KIF13A: variants seen among roughly 807,000 people sequenced by gnomAD.
KIF13A encodes the protein kinesin family member 13A.
KIF13A carries 79 observed loss-of-function variants against 212.2 expected under a neutral mutation model. The observed-to-expected ratio is 0.37, with a 90% confidence interval of 0.31 to 0.45. KIF13A has a LOEUF of 0.45. KIF13A is among the 20% of genes least tolerant of loss of function. The probability of loss-of-function intolerance (pLI) is 1.00; values close to 1 mark genes in which losing one functional copy is unlikely to be tolerated. For synonymous variants in KIF13A, 789 were observed against 808.6 expected (o/e 0.98, Z 0.41); for missense variants, 1,901 against 2,209.0 (o/e 0.86, Z 2.79).
intron 2 of KIF13A, among the ~76,000 whole-genome samples, chr6:17,941,908 T>C (rs1194692120): frequency 6.6e-6 from 1 of 152,074 alleles, no homozygotes; most frequent in Non-Finnish European, 1.5e-5. Context: ...TAGAGATACT[T>C]TGGGACATAG....
chr6:17,830,978 C>T, intron 13 of KIF13A, 123 bp downstream of exon 13: 7 of 822,898 alleles, frequency 8.5e-6, no homozygotes, highest in Non-Finnish European at 1.3e-5. Context: ...CACTATCCAT[C>T]TTAGTTTTAC....
intron 38 of KIF13A, among the ~76,000 whole-genome samples, chr6:17,766,650 G>C (rs1357791844): frequency 6.6e-6 from 1 of 152,014 alleles, no homozygotes; most frequent in African/African-American, 2.4e-5. Flanking sequence ...AAACTCCTGG[G>C]CTCAAGCAAT....
At position 17,776,939 on chromosome 6, in the gene KIF13A, C is replaced by T. The variant is rs961192557; in HGVS notation, c.4170+338G>A. Among the ~76,000 whole-genome samples, 5 of 152,208 alleles carry T rather than the reference C, an allele frequency of 3.3e-5. No individual in the cohort carries two copies. Among genetic ancestry groups the T allele is most frequent in the Admixed American group, 1.3e-4 (2 of 15,284 alleles). On this transcript the variant is annotated intron_variant, in intron 34 of 38. Coordinates refer to ENST00000259711, the MANE Select transcript of KIF13A (RefSeq NM_022113.6). This position sits in a 1 kb window ranked among gnomAD's most constrained non-coding sequence, Gnocchi z 4.6. ...GCCACCAGGGCAGCTAGAATGGGCA[C>T]AAAAACTGACCCTGGAGCAGCCAGC...
chr6:17,949,010 T>C lies in KIF13A; in HGVS notation c.146+38044A>G, dbSNP rs572603837. ...ACAGTCTTTTGCCTTTCTTACATTA[T>C]ATTCAATATGAATACACATGTCAAA... On this transcript the variant is annotated intron_variant, in intron 2 of 38. Transcript: ENST00000259711. 3.3e-5 allele frequency among the ~76,000 whole-genome samples: 5 copies of C among 152,280 alleles called. No individual in the cohort carries two copies. The South Asian group carries it at 8.3e-4, about 25-fold the overall frequency.
intron 2 of KIF13A, among the ~76,000 whole-genome samples, chr6:17,952,693 G>A (rs539080326): frequency 6.6e-6 from 1 of 152,262 alleles, no homozygotes; most frequent in East Asian, 1.9e-4. Context: ...CACTTTGGGA[G>A]GCTGAGGCAG....
chr6:17,837,244 T>A lies in KIF13A; in HGVS notation c.943-154A>T, dbSNP rs1766050201. 6.6e-6 allele frequency among the ~76,000 whole-genome samples: 1 copy of A among 152,224 alleles called. No individual in the cohort carries two copies. Among genetic ancestry groups the A allele is most frequent in the Non-Finnish European group, 1.5e-5 (1 of 68,034 alleles). On this transcript the variant is annotated intron_variant, in intron 10 of 38. Coordinates refer to ENST00000259711, the MANE Select transcript of KIF13A (RefSeq NM_022113.6). This position sits in a 1 kb window ranked among gnomAD's most constrained non-coding sequence, Gnocchi z 5.4. ...TTTCACAAATAACGTCATGACAAGA[T>A]GAAATGTGTCCTCTCTATATTCAAG...
rs1238764857 is a variant in KIF13A, at chr6:17,814,248, G to C, written c.2000+2772C>G. The stretch of plus-strand genomic sequence containing the variant: ...TTACAGGCATGAGCTACAGTGCCCG[G>C]CTTTTTTTTTTTTTTTTTTTGAGAC... On this transcript the variant is annotated intron_variant, in intron 17 of 38. Transcript: ENST00000259711. Among the ~76,000 whole-genome samples, 4 of 73,784 alleles carry C rather than the reference G, an allele frequency of 5.4e-5. No homozygotes were observed. In the East Asian group the frequency reaches 2.1e-3, roughly 38 times the overall value. The allele number at this position is 73,784 out of a possible 152,430, so 48.4% of individuals were successfully genotyped here.
At chr6:17,958,500 C>A (rs909038891) in intron 2 of KIF13A, among the ~76,000 whole-genome samples, 1 of 152,140 alleles carries the variant, frequency 6.6e-6, no homozygotes, top group Non-Finnish European at 1.5e-5. Context: ...CAGTCTGTGG[C>A]TTATAACATT....
Position 17,808,926 on chromosome 6 carries a change from C to T in KIF13A, c.2005G>A (p.Glu669Lys), listed in dbSNP as rs1217645186. 6.2e-7 allele frequency: 1 copy of T among 1,610,870 alleles called. No homozygotes were observed. Among genetic ancestry groups the T allele is most frequent in the South Asian group, 1.1e-5 (1 of 90,490 alleles). Residue 669 changes from glutamate to lysine, a missense_variant, in exon 18 of 39, where the codon GAA (glutamate) becomes AAA (lysine). Glu to Lys is a moderately conservative substitution (Grantham distance 56). Coordinates refer to ENST00000259711, the MANE Select transcript of KIF13A (RefSeq NM_022113.6). ...TTTGCCAGGCTTTGTCGGAAGAGTT[C>T]ATCCCTGCAGTGTCATAGAAAAGGG... ...KVTQWAEERD[E>K]LFRQSLAKLR...
intron 19 of KIF13A, 131 bp from the exon 20 acceptor site, chr6:17,804,641 A>T: frequency 1.0e-6 from 1 of 958,410 alleles, no homozygotes; most frequent in Non-Finnish European, 1.5e-6. Context: ...TAAAATTATA[A>T]TGTCACATAA....
intron 2 of KIF13A, among the ~76,000 whole-genome samples, chr6:17,977,111 CAACAA>C (rs1247716100): frequency 5.5e-4 from 22 of 40,042 alleles, no homozygotes; most frequent in African/African-American, 2.7e-3. Flanking sequence ...CAAAAAACAA[CAACAA>C]AAAAAAAAAA....
At position 17,829,529 on chromosome 6, in the gene KIF13A, C is replaced by T. The variant is rs1248857606; in HGVS notation, c.1402-1159G>A. 2.0e-5 allele frequency among the ~76,000 whole-genome samples: 3 copies of T among 152,140 alleles called. No homozygotes were observed. Among genetic ancestry groups the T allele is most frequent in the African/African-American group, 7.2e-5 (3 of 41,436 alleles). The stretch of plus-strand genomic sequence containing the variant: ...CGTCCAATACAGTAAACACACTGCA[C>T]CTGGCCTCATGTGATTTTAAGTACC... On this transcript the variant is annotated intron_variant, in intron 13 of 38. Transcript: ENST00000259711. This position sits in a 1 kb window ranked among gnomAD's most constrained non-coding sequence, Gnocchi z 5.4.
chr6:17,833,328 T>C lies in KIF13A; in HGVS notation c.1266+633A>G, dbSNP rs537607725. ...GGGCAACAAAATAAGACCACAGCTC[T>C]ACACAAAATAGATAAAATTAGCTGG... On this transcript the variant is annotated intron_variant, in intron 12 of 38. Coordinates refer to ENST00000259711, the MANE Select transcript of KIF13A (RefSeq NM_022113.6). Among the ~76,000 whole-genome samples the C allele has an allele frequency of 3.3e-5, 5 of 151,508 alleles. No homozygotes were observed. The East Asian group carries it at 7.8e-4, about 24-fold the overall frequency.
chr6:17,976,209 C>T (rs1048746639), intron 2 of KIF13A, among the ~76,000 whole-genome samples: 3 of 152,174 alleles, frequency 2.0e-5, no homozygotes, highest in Admixed American at 1.3e-4. Context: ...CTTGGGTGGT[C>T]GATGGGACTG....
intron 38 of KIF13A, among the ~76,000 whole-genome samples, chr6:17,766,593 C>T (rs912365547): frequency 6.6e-6 from 1 of 152,004 alleles, no homozygotes; most frequent in African/African-American, 2.4e-5. Flanking sequence ...CCTGCTCTGT[C>T]ACTCAGGTTG....
intron 2 of KIF13A, among the ~76,000 whole-genome samples, chr6:17,981,726 G>A (rs536332455): frequency 1.1e-4 from 17 of 151,930 alleles, no homozygotes; most frequent in Non-Finnish European, 2.2e-4. Context: ...CACTGTGTCC[G>A]GCCTTATTCT....
intron 2 of KIF13A, among the ~76,000 whole-genome samples, chr6:17,904,928 T>A (rs1403717566): frequency 6.6e-6 from 1 of 152,220 alleles, no homozygotes; most frequent in Non-Finnish European, 1.5e-5. Context: ...TCCTGGAAAT[T>A]AGCCTAAGGA....
chr6:17,778,950 C>G lies in KIF13A; in HGVS notation c.4089G>C (p.Arg1363=). The part of the protein sequence containing the change: ...VENILSLERL[R]QAVTVKEALS... ...GTCCAGATATTCAGTTACTTGCCTG[C>G]CGGAGCCGTTCAAGACTCAGAATGT... The change falls in exon 33 of 39, where the codon CGG becomes CGC. Residue 1363 remains arginine (R), a synonymous_variant. Coordinates refer to ENST00000259711, the MANE Select transcript of KIF13A (RefSeq NM_022113.6). 1 of 1,581,664 alleles carries G rather than the reference C, an allele frequency of 6.3e-7. No individual in the cohort carries two copies. The highest frequency in any genetic ancestry group is 8.6e-7 in the Non-Finnish European group (1 of 1,163,538).
At position 17,801,022 on chromosome 6, in the gene KIF13A, A is replaced by G. The variant is rs1030035569; in HGVS notation, c.2455-909T>C. Among the ~76,000 whole-genome samples, 6 of 151,986 alleles carry G rather than the reference A, an allele frequency of 3.9e-5. No individual in the cohort carries two copies. In the South Asian group the frequency reaches 1.0e-3, roughly 26 times the overall value. On this transcript the variant is annotated intron_variant, in intron 20 of 38. Coordinates refer to ENST00000259711, the MANE Select transcript of KIF13A (RefSeq NM_022113.6). The stretch of plus-strand genomic sequence containing the variant: ...GCTGGGATTATAGGTGTGAGCCAAC[A>G]TGCCTGGCTATCCATGTTTTTTAAA...
Sources: allele counts gnomAD v4.1 joint callset (sites outside exome capture counted in the v4.1 genomes callset), GRCh38; gene constraint gnomAD v4.1.1; non-coding constraint Gnocchi (gnomAD v3.1); transcripts MANE v1.5; gene names NCBI Gene and HGNC (gene_info 2026-07-23, HGNC 2026-07-21).